ESR2: variants seen among roughly 807,000 people sequenced by gnomAD.
The protein encoded by ESR2 is estrogen receptor beta.
In ESR2, 36 loss-of-function variants were observed where a neutral mutation model predicts 49.6. The observed-to-expected ratio is 0.73, with a 90% confidence interval of 0.56 to 0.96. The LOEUF is 0.96. ESR2 is among the 40% of genes least tolerant of loss of function. The probability of loss-of-function intolerance (pLI) is 0.00; values close to 1 mark genes in which losing one functional copy is unlikely to be tolerated. For synonymous variants in ESR2, 320 were observed against 266.1 expected, an observed-to-expected ratio of 1.20 and a Z score of -1.97; for missense variants, 714 against 693.0, an observed-to-expected ratio of 1.03 and a Z score of -0.34.
chr14:64,274,658 C>T (rs899354836), intron 3 of ESR2, among the ~76,000 whole-genome samples: 2 of 151,940 alleles, frequency 1.3e-5, no homozygotes, highest in Admixed American at 6.6e-5. Context: ...TTGGGTTTGG[C>T]TTGCTCTTGC....
At chr14:64,281,888 A>G (rs1440071395) in intron 2 of ESR2, among the ~76,000 whole-genome samples, 1 of 152,240 alleles carries the variant, frequency 6.6e-6, no homozygotes. Flanking sequence ...CATGCTTCGC[A>G]TGTCTAGAAT....
upstream of ESR2, chr14:64,294,407 C>G (rs1026598378): frequency 6.6e-6 from 1 of 152,328 alleles, no homozygotes; most frequent in Admixed American, 6.5e-5. Flanking sequence ...TTTTAAAGAC[C>G]GAGAGGAGGG....
chr14:64,249,913 A>G (rs939890297), intron 6 of ESR2, among the ~76,000 whole-genome samples: 1 of 152,252 alleles, frequency 6.6e-6, no homozygotes, highest in African/African-American at 2.4e-5. Flanking sequence ...AAGTAAATAT[A>G]TGAATAAATA....
rs1454279156 is a variant in ESR2, at chr14:64,230,168, G to C, written c.*2969C>G. Among the ~76,000 whole-genome samples the C allele has an allele frequency of 6.8e-6, 1 of 146,388 alleles. No homozygotes were observed. The highest frequency in any genetic ancestry group is 1.5e-5 in the Non-Finnish European group (1 of 67,428). On this transcript the variant is annotated 3_prime_UTR_variant, in exon 9 of 9. Transcript: ENST00000341099. The stretch of plus-strand genomic sequence containing the variant: ...GCCATGATGGCGCCACTGCACTCTA[G>C]CCTGAGCAACAGGAGTCAGACCCTG...
chr14:64,291,769 A>T (rs1288407579), intron 1 of ESR2, among the ~76,000 whole-genome samples: 3 of 152,222 alleles, frequency 2.0e-5, no homozygotes. Context: ...TTTTACCTTC[A>T]GCAATTGTAA....
chr14:64,270,855 G>C (rs1222477253), intron 3 of ESR2, among the ~76,000 whole-genome samples: 1 of 152,152 alleles, frequency 6.6e-6, no homozygotes, highest in Non-Finnish European at 1.5e-5. Flanking sequence ...TATTGAAACA[G>C]TCTTCACAGT....
chr14:64,229,236 C>G lies in ESR2; in HGVS notation c.*3901G>C, dbSNP rs2098725045. On this transcript the variant is annotated 3_prime_UTR_variant, in exon 9 of 9. Transcript: ENST00000341099. ...TCTAAAGGTACAGCAGAAGACAACC[C>G]TAACTTCACCGCCCCTCCATTCTGC... 6.6e-6 allele frequency among the ~76,000 whole-genome samples: 1 copy of G among 152,060 alleles called. No homozygotes were observed. Among genetic ancestry groups the G allele is most frequent in the Non-Finnish European group, 1.5e-5 (1 of 67,998 alleles).
At chr14:64,302,442 C>T (rs1216265294) in intron 1 of ESR2, among the ~76,000 whole-genome samples, 1 of 152,018 alleles carries the variant, frequency 6.6e-6, no homozygotes, top group South Asian at 2.1e-4. Context: ...CCGCCTCGGC[C>T]TCCCAAAGTG....
intron 1 of ESR2, among the ~76,000 whole-genome samples, chr14:64,310,578 TCTC>T (rs1192895429): frequency 6.6e-6 from 1 of 151,640 alleles, no homozygotes; most frequent in Non-Finnish European, 1.5e-5. Flanking sequence ...TTCAAGCAAT[TCTC>T]CTGCCTCTGC....
At chr14:64,281,127 GAGAGA>G (rs1429816409) in intron 2 of ESR2, among the ~76,000 whole-genome samples, 22 of 152,162 alleles carry the variant, frequency 1.4e-4, no homozygotes, top group African/African-American at 4.8e-4. Flanking sequence ...GAAAAAAGAA[GAGAGA>G]AGAGAAGAGA....
In ESR2 at chr14:64,282,535, T is replaced by C. The variant is rs772641199; in HGVS notation, c.362+89A>G. The C allele has an allele frequency of 1.4e-4, 184 of 1,347,086 alleles. No individual in the cohort carries two copies. In the Middle Eastern group the frequency reaches 4.1e-3, roughly 30 times the overall value. 83.4% of individuals were successfully genotyped at this position (1,347,086 alleles called of 1,614,324 possible). A position where few individuals can be genotyped will look rare whatever the true frequency, so the allele number is the denominator to read the frequency against. ...TATGTAATTAATACAATAAAGACCT[T>C]GTCTAACATATTATTTCCTTCTCAC... On this transcript the variant is annotated intron_variant, in intron 2 of 8. Transcript: ENST00000341099.
In ESR2 at chr14:64,287,937, G is replaced by T. The variant is rs553766449; in HGVS notation, c.-90-4862C>A. On this transcript the variant is annotated intron_variant, in intron 1 of 8. Transcript: ENST00000341099. ...TGTCTCTAAAGAGTTTAATTGTTGG[G>T]CCTGGCATGGAATTTCACCTGGCCA... Among the ~76,000 whole-genome samples, 6 of 152,302 alleles carry T rather than the reference G, an allele frequency of 3.9e-5. No individual in the cohort carries two copies. In the South Asian group the frequency reaches 8.3e-4, roughly 21 times the overall value.
At chr14:64,233,501 G>A in intron 8 of ESR2, 178 bp from the exon 9 acceptor site, 3 of 599,544 alleles carry the variant, frequency 5.0e-6, no homozygotes, top group South Asian at 2.2e-5. Flanking sequence ...AGGCTCAAGG[G>A]CAAGGACGAT....
intron 4 of ESR2, 35 bp downstream of exon 4, chr14:64,268,760 G>A (rs1262680843): frequency 3.2e-6 from 4 of 1,237,590 alleles, no homozygotes; most frequent in South Asian, 1.2e-5. Flanking sequence ...TTTTAGCAAG[G>A]CCCATATTCA....
At chr14:64,261,940 C>A (rs1262025732) in intron 4 of ESR2, among the ~76,000 whole-genome samples, 2 of 151,858 alleles carry the variant, frequency 1.3e-5, no homozygotes, top group African/African-American at 2.4e-5. Flanking sequence ...TTTTGTAGAA[C>A]TAGGGTCTTA....
At chr14:64,261,043 A>C (rs931813650) in intron 4 of ESR2, among the ~76,000 whole-genome samples, 1 of 152,198 alleles carries the variant, frequency 6.6e-6, no homozygotes, top group Admixed American at 6.5e-5. Flanking sequence ...CAAAGGTATC[A>C]AATAATATAC....
At chr14:64,241,101 G>T (rs1017374757) in intron 7 of ESR2, among the ~76,000 whole-genome samples, 3 of 137,020 alleles carry the variant, frequency 2.2e-5, no homozygotes. Flanking sequence ...AGCCGAGATT[G>T]CGCCACTGCA....
chr14:64,279,943 G>C (rs770136086), intron 3 of ESR2, 38 bp downstream of exon 3: 1 of 1,564,958 alleles, frequency 6.4e-7, no homozygotes, highest in Non-Finnish European at 8.8e-7. Context: ...GAAATCAAAA[G>C]TAGGAAACTA....
intron 1 of ESR2, among the ~76,000 whole-genome samples, chr14:64,309,441 ATC>A (rs1184043169): frequency 1.3e-5 from 2 of 150,244 alleles, no homozygotes; most frequent in African/African-American, 4.9e-5. Flanking sequence ...GTGAAACCCT[ATC>A]TCTACTAAAA....
Sources: allele counts gnomAD v4.1 joint callset (sites outside exome capture counted in the v4.1 genomes callset), GRCh38; gene constraint gnomAD v4.1.1; transcripts MANE v1.5; gene names NCBI Gene and HGNC (gene_info 2026-07-23, HGNC 2026-07-21).